The following GSG1 variants were observed in gnomAD, a reference collection of about 807,000 sequenced individuals.
The protein encoded by GSG1 is germ cell-specific gene 1 protein.
Under a neutral mutation model 30.8 loss-of-function variants are expected in GSG1, and 28 were observed. That is an observed-to-expected ratio of 0.91 (90% CI 0.67 to 1.25). The LOEUF (loss-of-function observed/expected upper bound fraction) is 1.25, where lower values mean the gene tolerates loss of function less well. Ranked by LOEUF, GSG1 falls within the 50% of genes most tolerant of loss-of-function variation. GSG1 has a pLI of 0.00. For missense variants in GSG1, 435 were observed against 444.7 expected (o/e 0.98, Z 0.20); for synonymous variants, 162 against 178.0 (o/e 0.91, Z 0.71).
chr12:13,097,470 A>C (rs766794425), intron 1 of GSG1, among the ~76,000 whole-genome samples: 1 of 152,056 alleles, frequency 6.6e-6, no homozygotes, highest in Non-Finnish European at 1.5e-5. Flanking sequence ...TGGCCTCCCA[A>C]AGTGCTGGGA....
intron 4 of GSG1, 68 bp downstream of exon 4, chr12:13,088,794 C>T (rs747915218): frequency 5.0e-6 from 8 of 1,614,020 alleles, no homozygotes; most frequent in Non-Finnish European, 6.8e-6. Flanking sequence ...TCAACCGCTT[C>T]CCTCCAAATC....
intron 2 of GSG1, among the ~76,000 whole-genome samples, chr12:13,090,042 T>C (rs773900226): frequency 1.3e-5 from 2 of 151,984 alleles, no homozygotes; most frequent in Non-Finnish European, 2.9e-5. Flanking sequence ...AGAGCAAAAC[T>C]CCATATCAAA....
Position 13,085,103 on chromosome 12 carries a change from T to C in GSG1, c.887A>G (p.Gln296Arg), listed in dbSNP as rs768663666. ...ENPNCLPHHHQCFPRRLSSAA... is the reference protein window; with the variant it reads ...ENPNCLPHHHRCFPRRLSSAA... ...ACTTGACAGCCGCCGAGGGAAACACTGATGGTGATGTGGTAGGCAGTTCGG... is the reference window on the plus strand; with the variant it reads ...ACTTGACAGCCGCCGAGGGAAACACCGATGGTGATGTGGTAGGCAGTTCGG... The change falls in exon 7 of 7, where the codon CAG (glutamine) becomes CGG (arginine). Residue 296 changes from glutamine to arginine, a missense_variant. By Grantham distance (43) the Gln-to-Arg change is conservative. Coordinates refer to ENST00000651961, the MANE Select transcript of GSG1 (RefSeq NM_001080555.4). The C allele has an allele frequency of 1.2e-6, 2 of 1,614,106 alleles. No homozygotes were observed. Among genetic ancestry groups the C allele is most frequent in the Non-Finnish European group, 1.7e-6 (2 of 1,180,016 alleles).
At position 13,093,307 on chromosome 12, in the gene GSG1, T is replaced by G. The variant is rs559332152; in HGVS notation, c.49-2489A>C. ...TGGCTTTGTCTTCACTGACAGGTAGTAGCACTGACTTGCTGAAGCATTTGC... is the reference window on the plus strand; with the variant it reads ...TGGCTTTGTCTTCACTGACAGGTAGGAGCACTGACTTGCTGAAGCATTTGC... On this transcript the variant is annotated intron_variant, in intron 1 of 6. Transcript: ENST00000651961. The surrounding 1 kb of genome is among the most constrained non-coding windows in gnomAD (Gnocchi z 4.6). Among the ~76,000 whole-genome samples, 406 of 152,350 alleles carry G rather than the reference T, an allele frequency of 2.7e-3. 1 individual carries two copies. The highest frequency in any genetic ancestry group is 4.1e-3 in the Non-Finnish European group (282 of 68,034).
Position 13,087,888 on chromosome 12 carries a change from C to T in GSG1, c.634+19G>A, listed in dbSNP as rs1044345490. The T allele has an allele frequency of 3.1e-6, 5 of 1,611,278 alleles. No individual in the cohort carries two copies. Among genetic ancestry groups the T allele is most frequent in the South Asian group, 1.1e-5 (1 of 90,590 alleles). ...GTGGCCAGGGCCAACCACCCTCTCTCACTCCAGGAGCAACTCACCTGACAG... is the reference window on the plus strand; with the variant it reads ...GTGGCCAGGGCCAACCACCCTCTCTTACTCCAGGAGCAACTCACCTGACAG... On this transcript the variant is annotated intron_variant, in intron 5 of 6. Coordinates refer to ENST00000651961, the MANE Select transcript of GSG1 (RefSeq NM_001080555.4).
rs1185224606 is a variant in GSG1 at position 13,093,248 on chromosome 12, G to A, written c.49-2430C>T. ...ATAAAAGTTTAGAAAAAAGAATTGG[G>A]AGCATTCCAAATGCTCTTTGTGATA... On this transcript the variant is annotated intron_variant, in intron 1 of 6. Coordinates refer to ENST00000651961, the MANE Select transcript of GSG1 (RefSeq NM_001080555.4). This position sits in a 1 kb window ranked among gnomAD's most constrained non-coding sequence, Gnocchi z 4.6. Among the ~76,000 whole-genome samples the A allele has an allele frequency of 1.3e-5, 2 of 152,086 alleles. No individual in the cohort carries two copies. Among genetic ancestry groups the A allele is most frequent in the Non-Finnish European group, 2.9e-5 (2 of 68,030 alleles).
In GSG1 at chr12:13,103,061, C is replaced by T. The variant is rs937480814; in HGVS notation, c.48+404G>A. 2.7e-4 allele frequency among the ~76,000 whole-genome samples: 41 copies of T among 152,356 alleles called. 1 individual carries two copies. Among genetic ancestry groups the T allele is most frequent in the African/African-American group, 9.1e-4 (38 of 41,586 alleles). ...CTGCTCTTTCAGCTCACTGGGGTGA[C>T]ACACAGCTCTATTGTTGCCACCGCT... On this transcript the variant is annotated intron_variant, in intron 1 of 6. Transcript: ENST00000651961.
rs1371761658 is a variant in GSG1, at chr12:13,090,577, C to G, written c.290G>C (p.Gly97Ala). ...GCTCCGGAAGGAGAACCGGTCATCC[C>G]CAGTCTCCCAGTTGTATTGTACCAC... is the stretch of plus-strand genomic sequence containing the variant. ...QEVVQYNWETGDDRFSFRSFR... is the reference protein window; with the variant it reads ...QEVVQYNWETADDRFSFRSFR... The change falls in exon 2 of 7, where the codon GGG becomes GCG. Residue 97 changes from glycine (G) to alanine (A), a missense_variant. By Grantham distance (60) the Gly-to-Ala change is moderately conservative. Coordinates refer to ENST00000651961, the MANE Select transcript of GSG1 (RefSeq NM_001080555.4). The G allele has an allele frequency of 1.9e-6, 3 of 1,614,244 alleles. No homozygotes were observed. The highest frequency in any genetic ancestry group is 1.6e-4 in the Middle Eastern group (1 of 6,062).
At chr12:13,088,502 A>G (rs912312402) in intron 4 of GSG1, among the ~76,000 whole-genome samples, 1 of 152,144 alleles carries the variant, frequency 6.6e-6, no homozygotes, top group Non-Finnish European at 1.5e-5. Context: ...GCCTTCCTAC[A>G]TGGTTACTTG....
chr12:13,087,903 T>C lies in GSG1; in HGVS notation c.634+4A>G. 2 of 1,613,514 alleles carry C rather than the reference T, an allele frequency of 1.2e-6. No individual in the cohort carries two copies. Among genetic ancestry groups the C allele is most frequent in the East Asian group, 4.5e-5 (2 of 44,870 alleles). On this transcript the variant is annotated splice_donor_region_variant and intron_variant, in intron 5 of 6. Transcript: ENST00000651961. ...CACCCTCTCTCACTCCAGGAGCAAC[T>C]CACCTGACAGGACAGAGGAAACAGC...
intron 1 of GSG1, among the ~76,000 whole-genome samples, chr12:13,094,308 C>T (rs961089352): frequency 3.3e-5 from 5 of 152,150 alleles, no homozygotes; most frequent in Admixed American, 6.6e-5. Context: ...ACACAAAGAT[C>T]ATATGTATGT....
intron 2 of GSG1, among the ~76,000 whole-genome samples, chr12:13,089,920 A>G (rs1459129228): frequency 1.3e-5 from 2 of 152,168 alleles, no homozygotes; most frequent in African/African-American, 2.4e-5. Context: ...ATGGTGGCAC[A>G]TGCCTGTAAT....
intron 6 of GSG1, among the ~76,000 whole-genome samples, chr12:13,086,725 C>G (rs1404407859): frequency 2.0e-5 from 3 of 151,838 alleles, no homozygotes; most frequent in Non-Finnish European, 4.4e-5. Flanking sequence ...GAGGAGTAAG[C>G]CATTTACAGA....
intron 4 of GSG1, among the ~76,000 whole-genome samples, 180 bp from the exon 5 acceptor site, chr12:13,088,239 C>T (rs1865733402): frequency 6.6e-6 from 1 of 152,212 alleles, no homozygotes; most frequent in Admixed American, 6.5e-5. Context: ...ACGTCACTCA[C>T]AGCTCCCACT....
chr12:13,101,569 C>T lies in GSG1; in HGVS notation c.48+1896G>A, dbSNP rs1318020761. 1.3e-5 allele frequency among the ~76,000 whole-genome samples: 2 copies of T among 152,218 alleles called. No homozygotes were observed. Among genetic ancestry groups the T allele is most frequent in the African/African-American group, 4.8e-5 (2 of 41,460 alleles). On this transcript the variant is annotated intron_variant, in intron 1 of 6. Transcript: ENST00000651961. This position sits in a 1 kb window ranked among gnomAD's most constrained non-coding sequence, Gnocchi z 5.8. ...GGCCACATGTGTCCCGGAGCTGGGC[C>T]GGGGCGCTAGGCCACCTGAGGCGCG... is the stretch of plus-strand genomic sequence containing the variant.
intron 1 of GSG1, among the ~76,000 whole-genome samples, chr12:13,092,421 C>T (rs1291990412): frequency 6.6e-6 from 1 of 152,134 alleles, no homozygotes; most frequent in African/African-American, 2.4e-5. Flanking sequence ...CCACTGCTGG[C>T]CAGGCCCTGT....
Position 13,101,166 on chromosome 12 carries a change from T to A in GSG1, c.48+2299A>T, listed in dbSNP as rs1863164920. 6.6e-6 allele frequency among the ~76,000 whole-genome samples: 1 copy of A among 151,486 alleles called. No homozygotes were observed. Among genetic ancestry groups the A allele is most frequent in the Admixed American group, 6.6e-5 (1 of 15,228 alleles). On this transcript the variant is annotated intron_variant, in intron 1 of 6. Transcript: ENST00000651961. This position sits in a 1 kb window ranked among gnomAD's most constrained non-coding sequence, Gnocchi z 5.8. ...GCAGGCCGGCTGGGGCCGGGGGCGC[T>A]TGGGGACCGCGGGGCGGGGCGGGGG...
At chr12:13,085,291 T>C (rs1214129184) in intron 6 of GSG1, 48 bp from the exon 7 acceptor site, 1 of 1,524,208 alleles carries the variant, frequency 6.6e-7, no homozygotes, top group Non-Finnish European at 8.8e-7. Flanking sequence ...TAGGACTTTC[T>C]TGAGAGAAAA....
At chr12:13,087,841 C>T (rs576580471) in intron 5 of GSG1, 66 bp downstream of exon 5, 2 of 1,539,392 alleles carry the variant, frequency 1.3e-6, no homozygotes, top group East Asian at 2.3e-5. Context: ...AAGACTCAAG[C>T]CCTCCAGCTA....
Sources: gnomAD v4.1 joint callset for allele counts (sites outside exome capture counted in the v4.1 genomes callset) on GRCh38, gnomAD v4.1.1 for gene constraint, Gnocchi (gnomAD v3.1) non-coding constraint, MANE v1.5 for transcripts, NCBI Gene and HGNC (gene_info 2026-07-23, HGNC 2026-07-21) for gene names.